Variants in PPEF2 observed in about 807,000 individuals in gnomAD.
The protein encoded by PPEF2 is protein phosphatase with EF-hand domain 2.
PPEF2 carries 84 observed loss-of-function variants against 84.7 expected under a neutral mutation model. That is an observed-to-expected ratio of 0.99 (90% confidence interval 0.83 to 1.19). The LOEUF (loss-of-function observed/expected upper bound fraction) is 1.19. Ranked by LOEUF, PPEF2 falls within the 50% of genes most tolerant of loss-of-function variation. The pLI is 0.00. For synonymous variants in PPEF2, 346 were observed against 345.2 expected, an observed-to-expected ratio of 1.00 and a Z score of -0.03; for missense variants, 924 against 937.5, an observed-to-expected ratio of 0.99 and a Z score of 0.19.
At chr4:75,880,322 G>A (rs903417535) in intron 10 of PPEF2, among the ~76,000 whole-genome samples, 5 of 152,078 alleles carry the variant, frequency 3.3e-5, no homozygotes, top group South Asian at 2.1e-4. Flanking sequence ...GAAAACTGAG[G>A]CACAAAATAC....
At chr4:75,894,692 G>T (rs1161692826) in intron 2 of PPEF2, among the ~76,000 whole-genome samples, 2 of 152,146 alleles carry the variant, frequency 1.3e-5, no homozygotes, top group Non-Finnish European at 2.9e-5. Flanking sequence ...GCAGGGAGTG[G>T]TAACTGGACT....
At position 75,898,451 on chromosome 4, in the gene PPEF2, C is replaced by A. The variant is rs1360341797; in HGVS notation, c.-58-2068G>T. On this transcript the variant is annotated intron_variant, in intron 1 of 16. Coordinates refer to ENST00000286719, the MANE Select transcript of PPEF2 (RefSeq NM_006239.3). ...TTCTCTTAAGCTGGCTAACTTTATT[C>A]ATTGCTAAAGGCTCACTTTAAGTAT... 2.0e-5 allele frequency among the ~76,000 whole-genome samples: 3 copies of A among 152,346 alleles called. No individual in the cohort carries two copies. In the East Asian group the frequency reaches 5.8e-4, roughly 29 times the overall value.
At chr4:75,860,955 G>T in intron 16 of PPEF2, 35 bp from the exon 17 acceptor site, 1 of 1,602,400 alleles carries the variant, frequency 6.2e-7, no homozygotes, top group Non-Finnish European at 8.5e-7. Flanking sequence ...CAGTGAGTTA[G>T]TCTAGTTTTT....
intron 13 of PPEF2, 30 bp from the exon 14 acceptor site, chr4:75,867,449 AAC>A (rs779044727): frequency 6.9e-7 from 1 of 1,440,172 alleles, no homozygotes; most frequent in Non-Finnish European, 9.7e-7. Flanking sequence ...GCGACATTTT[AAC>A]ACACTGGTAT....
intron 2 of PPEF2, among the ~76,000 whole-genome samples, chr4:75,892,825 T>C (rs1724921495): frequency 6.6e-6 from 1 of 152,320 alleles, no homozygotes; most frequent in African/African-American, 2.4e-5. Context: ...GCTGTCCACA[T>C]AACTAGATTC....
At position 75,884,698 on chromosome 4, in the gene PPEF2, C is replaced by G. The variant is rs1313240940; in HGVS notation, c.642G>C (p.Lys214Asn). The change falls in exon 8 of 17, where the codon AAG becomes AAC. Residue 214 changes from lysine to asparagine, a missense_variant. By Grantham distance (94) the Lys-to-Asn change is moderately conservative (BLOSUM62 0). Coordinates refer to ENST00000286719, the MANE Select transcript of PPEF2 (RefSeq NM_006239.3). ...GAATCATCAGGATCTCTACTGAATC[C>G]TTGCCTCGATCCACAAAGTCACCGT... Reference protein sequence around the residue: ...VFNGDFVDRGKDSVEILMILF... With the variant: ...VFNGDFVDRGNDSVEILMILF... 2.5e-6 allele frequency: 4 copies of G among 1,613,332 alleles called. No individual in the cohort carries two copies. In the South Asian group the frequency reaches 4.4e-5, roughly 18 times the overall value.
intron 4 of PPEF2, among the ~76,000 whole-genome samples, chr4:75,890,709 A>G (rs1311308714): frequency 6.6e-6 from 1 of 152,152 alleles, no homozygotes; most frequent in Non-Finnish European, 1.5e-5. Flanking sequence ...ATTTGCAAGC[A>G]GAAGGAAAGG....
intron 2 of PPEF2, among the ~76,000 whole-genome samples, chr4:75,893,605 C>T (rs1724942449): frequency 6.6e-6 from 1 of 152,110 alleles, no homozygotes; most frequent in Non-Finnish European, 1.5e-5. Context: ...TACACCTCAC[C>T]CTGGACCTGT....
rs1275526234 is a variant in PPEF2 at position 75,872,343 on chromosome 4, A to G, written c.1507-176T>C. Among the ~76,000 whole-genome samples, 7 of 152,142 alleles carry G rather than the reference A, an allele frequency of 4.6e-5. No homozygotes were observed. In the East Asian group the frequency reaches 1.3e-3, roughly 29 times the overall value. ...CTAAAGGCATCAATGCTAATAGGGC[A>G]AGAGTTGTGACTCAAGTCATAGAAA... On this transcript the variant is annotated intron_variant, in intron 12 of 16. Transcript: ENST00000286719.
intron 11 of PPEF2, among the ~76,000 whole-genome samples, chr4:75,875,820 G>A (rs1293287362): frequency 6.6e-6 from 1 of 152,004 alleles, no homozygotes; most frequent in Non-Finnish European, 1.5e-5. Flanking sequence ...GTTTGGGGTG[G>A]CAGGGTGCCT....
chr4:75,883,025 A>G lies in PPEF2; in HGVS notation c.834T>C (p.Leu278=), dbSNP rs114566874. ...TCTCATCTATCAGAGTGGCCAGTGG[A>G]AGCCAACAGAAAACATCTTGCAGGG... ...LRTLQDVFCW[L]PLATLIDEKV... The change falls in exon 10 of 17, where the codon CTT becomes CTC. Residue 278 remains leucine, a synonymous_variant. Transcript: ENST00000286719. The G allele has an allele frequency of 1.2e-6, 2 of 1,614,192 alleles. No homozygotes were observed. Among genetic ancestry groups the G allele is most frequent in the African/African-American group, 1.3e-5 (1 of 75,056 alleles).
At chr4:75,875,087 G>T (rs750932623) in intron 11 of PPEF2, among the ~76,000 whole-genome samples, 6 of 151,608 alleles carry the variant, frequency 4.0e-5, no homozygotes, top group Admixed American at 1.3e-4. Flanking sequence ...TGTATTTTTA[G>T]TAGAGACGGG....
At chr4:75,862,141 A>T (rs1288788226) in intron 16 of PPEF2, among the ~76,000 whole-genome samples, 1 of 151,536 alleles carries the variant, frequency 6.6e-6, no homozygotes, top group Admixed American at 6.6e-5. Context: ...AAAAATACAA[A>T]AATTAGCTGG....
rs1470235790 is a variant in PPEF2, at chr4:75,860,068, G to T, written c.*599C>A. The T allele has an allele frequency of 6.6e-6, 1 of 152,206 alleles. No individual in the cohort carries two copies. Among genetic ancestry groups the T allele is most frequent in the Non-Finnish European group, 1.5e-5 (1 of 68,072 alleles). 9.4% of individuals were successfully genotyped at this position (152,206 alleles called of 1,614,324 possible). The stretch of plus-strand genomic sequence containing the variant: ...ACAATAAATAAAAAGTATAAAATAG[G>T]CTGGGTGCGGTGGCTCATGCCTGTA... On this transcript the variant is annotated 3_prime_UTR_variant, in exon 17 of 17. Coordinates refer to ENST00000286719, the MANE Select transcript of PPEF2 (RefSeq NM_006239.3).
At chr4:75,899,457 G>T (rs1015351323) in intron 1 of PPEF2, among the ~76,000 whole-genome samples, 1 of 152,058 alleles carries the variant, frequency 6.6e-6, no homozygotes, top group African/African-American at 2.4e-5. Context: ...TCTTCTTCAG[G>T]AGGTAATGTG....
At chr4:75,896,675 A>G (rs944801146) in intron 1 of PPEF2, among the ~76,000 whole-genome samples, 7 of 151,242 alleles carry the variant, frequency 4.6e-5, no homozygotes, top group Non-Finnish European at 1.0e-4. Flanking sequence ...ATATTCCTCT[A>G]ACTGTCACCC....
chr4:75,896,956 C>T (rs889947023), intron 1 of PPEF2, among the ~76,000 whole-genome samples: 1 of 152,114 alleles, frequency 6.6e-6, no homozygotes, highest in African/African-American at 2.4e-5. Context: ...ACAATCTTGG[C>T]TCCCTGCGAG....
intron 15 of PPEF2, among the ~76,000 whole-genome samples, chr4:75,865,882 G>C (rs1284810730): frequency 6.6e-6 from 1 of 152,170 alleles, no homozygotes; most frequent in Non-Finnish European, 1.5e-5. Flanking sequence ...ACAGACCTTG[G>C]CTTGAGTCCC....
At chr4:75,897,966 G>A (rs144435779) in intron 1 of PPEF2, among the ~76,000 whole-genome samples, 2 of 152,144 alleles carry the variant, frequency 1.3e-5, no homozygotes, top group Admixed American at 6.6e-5. Context: ...ATTTACCCAC[G>A]TATTTATTAC....
Sources: gnomAD v4.1 joint callset for allele counts (sites outside exome capture counted in the v4.1 genomes callset) on GRCh38, gnomAD v4.1.1 for gene constraint, MANE v1.5 for transcripts, NCBI Gene and HGNC (gene_info 2026-07-23, HGNC 2026-07-21) for gene names.